The following ILKAP variants were observed in gnomAD, a reference collection of about 807,000 sequenced individuals.
ILKAP encodes the protein ILK associated serine/threonine phosphatase, also known as integrin-linked kinase-associated serine/threonine phosphatase 2C.
A neutral mutation model predicts 49.1 loss-of-function variants in ILKAP; 11 were observed. The ratio of observed to expected loss-of-function variants is 0.22; its 90% CI spans 0.14 to 0.37. The LOEUF (loss-of-function observed/expected upper bound fraction) is 0.37. Among genes scored for constraint, ILKAP ranks in the 10% least tolerant of loss-of-function variants. The pLI, the probability that ILKAP is intolerant of heterozygous loss-of-function variation, is 1.00. For synonymous variants in ILKAP, 186 were observed against 192.8 expected, an observed-to-expected ratio of 0.96 and a Z score of 0.29; for missense variants, 363 against 510.8, an observed-to-expected ratio of 0.71 and a Z score of 2.79.
chr2:238,185,520 T>G, intron 5 of ILKAP: 2 of 412,146 alleles, frequency 4.9e-6, no homozygotes, highest in Non-Finnish European at 8.9e-6. Flanking sequence ...TACTTGTGTG[T>G]GGGCCAGGTG....
chr2:238,191,522 A>C (rs756287499), intron 3 of ILKAP, among the ~76,000 whole-genome samples: 1 of 152,224 alleles, frequency 6.6e-6, no homozygotes, highest in African/African-American at 2.4e-5. Context: ...TTCCAACAGT[A>C]TCTCTCCCAA....
intron 9 of ILKAP, among the ~76,000 whole-genome samples, chr2:238,176,106 T>A (rs1480179729): frequency 1.6e-5 from 2 of 128,074 alleles, no homozygotes; most frequent in African/African-American, 5.9e-5. Flanking sequence ...CCCCCCACCC[T>A]CATAATTACA....
At chr2:238,186,564 G>A (rs1182312450) in intron 5 of ILKAP, 1 of 152,072 alleles carries the variant, frequency 6.6e-6, no homozygotes, top group Non-Finnish European at 1.5e-5. Flanking sequence ...GAGCAGGGAG[G>A]ATATTACAGA....
rs1489550188 is a variant in ILKAP at position 238,170,982 on chromosome 2, G to A, written c.999C>T (p.Thr333=). The change falls in exon 11 of 12, where the codon ACC becomes ACT. Residue 333 remains threonine, a synonymous_variant. Coordinates refer to ENST00000254654, the MANE Select transcript of ILKAP (RefSeq NM_030768.3). ...AGATGAAGTTCACGGCTTCTTCTGG[G>A]GTAAAGACCTTGAAGAGCCCATCAC... ...LACDGLFKVF[T]PEEAVNFILS... 1 of 1,613,852 alleles carries A rather than the reference G, an allele frequency of 6.2e-7. No homozygotes were observed. The highest frequency in any genetic ancestry group is 8.5e-7 in the Non-Finnish European group (1 of 1,179,970).
intron 1 of ILKAP, among the ~76,000 whole-genome samples, chr2:238,203,273 TAGCGAAAATGGCGG>T (rs1229129537): frequency 1.3e-5 from 2 of 150,782 alleles, no homozygotes; most frequent in African/African-American, 4.8e-5. Flanking sequence ...CCTTCCTGCG[TAGCGAAAATGGCGG>T]AGCGGCCTCT....
At position 238,184,111 on chromosome 2, in the gene ILKAP, C is replaced by A. The variant is rs780268217; in HGVS notation, c.535G>T (p.Asp179Tyr). Residue 179 changes from aspartate (D) to tyrosine (Y), a missense_variant and splice_region_variant, in exon 7 of 12, where the codon GAT (aspartate) becomes TAT (tyrosine). Around this residue, in one of 3 missense-constraint regions of ILKAP, gnomAD observed 166 missense variants for 307.3 expected, o/e 0.54. Transcript: ENST00000254654. ...QNLIRKFPKG[D>Y]VISVEKTVKR... ...ACGGTTTTCTCTACACTGATTACAT[C>A]TCCTATTACAGAAGGGCCAAAAGAA... 3.2e-6 allele frequency: 5 copies of A among 1,552,376 alleles called. No homozygotes were observed. The highest frequency in any genetic ancestry group is 4.4e-6 in the Non-Finnish European group (5 of 1,123,810).
chr2:238,195,763 C>T (rs1694316057), intron 1 of ILKAP, among the ~76,000 whole-genome samples: 1 of 152,148 alleles, frequency 6.6e-6, no homozygotes. Context: ...CTCATTTACG[C>T]CAGGCGCAGT....
chr2:238,193,680 T>C (rs1273746360), intron 3 of ILKAP, among the ~76,000 whole-genome samples: 4 of 152,162 alleles, frequency 2.6e-5, no homozygotes, highest in African/African-American at 4.8e-5. Flanking sequence ...TTTCCTAAAA[T>C]ATAGAAAATA....
chr2:238,176,561 C>CT (rs1271910092), intron 9 of ILKAP, among the ~76,000 whole-genome samples: 2 of 152,254 alleles, frequency 1.3e-5, no homozygotes, highest in Non-Finnish European at 2.9e-5. Flanking sequence ...TTTCTCTTCT[C>CT]TGTTTTCTGC....
intron 1 of ILKAP, among the ~76,000 whole-genome samples, chr2:238,201,177 G>A (rs1694552916): frequency 1.4e-5 from 1 of 69,994 alleles, no homozygotes; most frequent in African/African-American, 4.6e-5. Flanking sequence ...TTTATTCAAA[G>A]TATGTTTTTT....
chr2:238,195,738 A>T (rs1335299808), intron 1 of ILKAP, among the ~76,000 whole-genome samples: 1 of 152,148 alleles, frequency 6.6e-6, no homozygotes, highest in African/African-American at 2.4e-5. Flanking sequence ...CTCAGAGTTC[A>T]AGTATAAAAA....
chr2:238,176,868 T>C (rs990225682), intron 9 of ILKAP, among the ~76,000 whole-genome samples: 1 of 152,242 alleles, frequency 6.6e-6, no homozygotes, highest in African/African-American at 2.4e-5. Context: ...GGAAGCTCCA[T>C]CTCCTGACCA....
chr2:238,192,340 T>C (rs1456075812), intron 3 of ILKAP, among the ~76,000 whole-genome samples: 1 of 152,126 alleles, frequency 6.6e-6, no homozygotes, highest in Non-Finnish European at 1.5e-5. Context: ...AAGAAACAGA[T>C]CATTGAGGCT....
intron 1 of ILKAP, among the ~76,000 whole-genome samples, chr2:238,202,725 CTG>C (rs1694620850): frequency 1.3e-5 from 2 of 152,112 alleles, no homozygotes. Context: ...AACCCGGAGA[CTG>C]TAACCCACAG....
chr2:238,173,492 C>T lies in ILKAP; in HGVS notation c.956+42G>A, dbSNP rs772809154. On this transcript the variant is annotated intron_variant, in intron 10 of 11. Coordinates refer to ENST00000254654, the MANE Select transcript of ILKAP (RefSeq NM_030768.3). ...ACTGGAAGTGAGGAAGAGAAATAAA[C>T]CCACATGCACACACACCTGTGCCTC... 2.5e-6 allele frequency: 4 copies of T among 1,590,070 alleles called. No homozygotes were observed. The South Asian group carries it at 4.5e-5, about 18-fold the overall frequency.
At position 238,193,793 on chromosome 2, in the gene ILKAP, C is replaced by T. The variant is rs1694241197; in HGVS notation, c.178+482G>A. ...ACCTTCCCCAACCAGAGGAGCTCTA[C>T]CTAAGAAGTTCTCATGAGACAGAAT... is the stretch of plus-strand genomic sequence containing the variant. On this transcript the variant is annotated intron_variant, in intron 3 of 11. Coordinates refer to ENST00000254654, the MANE Select transcript of ILKAP (RefSeq NM_030768.3). Among the ~76,000 whole-genome samples, 3 of 152,292 alleles carry T rather than the reference C, an allele frequency of 2.0e-5. No individual in the cohort carries two copies. In the South Asian group the frequency reaches 6.2e-4, roughly 32 times the overall value.
At chr2:238,188,037 A>AT in intron 5 of ILKAP, 94 bp downstream of exon 5, 1 of 1,400,524 alleles carries the variant, frequency 7.1e-7, no homozygotes, top group East Asian at 2.3e-5. Context: ...GATGTGTTAG[A>AT]TTTTCTAGTA....
intron 1 of ILKAP, among the ~76,000 whole-genome samples, chr2:238,200,197 A>C (rs1037988411): frequency 1.5e-5 from 2 of 129,892 alleles, no homozygotes; most frequent in Non-Finnish European, 1.7e-5. Flanking sequence ...GATATGAACA[A>C]ACACTTTTTT....
intron 8 of ILKAP, 101 bp from the exon 9 acceptor site, chr2:238,182,287 G>T: frequency 7.3e-7 from 1 of 1,376,096 alleles, no homozygotes; most frequent in Non-Finnish European, 1.0e-6. Flanking sequence ...GAAGAAAACA[G>T]TTAACAATGG....
Sources: gnomAD v4.1 joint callset for allele counts (sites outside exome capture counted in the v4.1 genomes callset) on GRCh38, gnomAD v4.1.1 for gene constraint, gnomAD v4.1.1 regional missense constraint, MANE v1.5 for transcripts, NCBI Gene and HGNC (gene_info 2026-07-23, HGNC 2026-07-21) for gene names.